The following RPTOR variants were observed in gnomAD, a reference collection of about 807,000 sequenced individuals.
The protein encoded by RPTOR is regulatory-associated protein of mTOR.
Under a neutral mutation model 169.9 loss-of-function variants are expected in RPTOR, and 21 were observed. The ratio of observed to expected loss-of-function variants is 0.12; its 90% confidence interval spans 0.09 to 0.18. The LOEUF (loss-of-function observed/expected upper bound fraction) is 0.18. RPTOR is among the 10% of genes least tolerant of loss of function. RPTOR has a pLI of 1.00. For missense variants in RPTOR, 1,133 were observed against 1,855.9 expected, an observed-to-expected ratio of 0.61 and a Z score of 7.16; for synonymous variants, 732 against 753.2, an observed-to-expected ratio of 0.97 and a Z score of 0.46.
At chr17:80,877,762 G>T (rs554778908) in intron 13 of RPTOR, among the ~76,000 whole-genome samples, 12 of 152,324 alleles carry the variant, frequency 7.9e-5, no homozygotes, top group African/African-American at 2.9e-4. Context: ...AAAGCCAGTT[G>T]TTGCTTGAAA....
At chr17:80,886,366 C>T (rs1451458191) in intron 17 of RPTOR, among the ~76,000 whole-genome samples, 3 of 152,314 alleles carry the variant, frequency 2.0e-5, no homozygotes, top group South Asian at 2.1e-4. Flanking sequence ...AGTGAGGTTC[C>T]GGGCTGCCTT....
At chr17:80,657,151 A>G (rs910698059) in intron 3 of RPTOR, among the ~76,000 whole-genome samples, 5 of 152,292 alleles carry the variant, frequency 3.3e-5, no homozygotes, top group Admixed American at 3.3e-4. Context: ...ACTGAGGGAG[A>G]AAAAAGAACA....
chr17:80,615,814 T>C (rs1196293065), intron 1 of RPTOR, among the ~76,000 whole-genome samples: 2 of 152,188 alleles, frequency 1.3e-5, no homozygotes, highest in Admixed American at 1.3e-4. Flanking sequence ...GACGTCATCT[T>C]CCTGAAAATA....
At chr17:80,742,383 A>G (rs12942358) in intron 5 of RPTOR, among the ~76,000 whole-genome samples, 84,093 of 151,822 alleles carry the variant, frequency 0.55, 23,523 homozygotes, top group African/African-American at 0.59. Flanking sequence ...CAGCACATGC[A>G]TGCAGAGGCC....
Position 80,730,792 on chromosome 17 carries a change from G to A in RPTOR, c.654+86G>A, listed in dbSNP as rs2066385296. On this transcript the variant is annotated intron_variant, in intron 5 of 33. Transcript: ENST00000306801. This position sits in a 1 kb window ranked among gnomAD's most constrained non-coding sequence, Gnocchi z 4.2. The stretch of plus-strand genomic sequence containing the variant: ...GGTTTGGGTGGGGAGGTTGGGAGGT[G>A]TTGGACATCCTCTGAATGGAGCAGG... 8.1e-7 allele frequency: 1 copy of A among 1,237,626 alleles called. No individual in the cohort carries two copies. The allele number at this position is 1,237,626 out of a possible 1,614,324, so 76.7% of individuals were successfully genotyped here. A position where few individuals can be genotyped will look rare whatever the true frequency, so the allele number is the denominator to read the frequency against.
At chr17:80,893,557 C>T (rs1359659373) in intron 19 of RPTOR, 150 bp from the exon 20 acceptor site, 6 of 946,078 alleles carry the variant, frequency 6.3e-6, no homozygotes, top group Non-Finnish European at 9.1e-6. Flanking sequence ...GGTGTGTGCG[C>T]ACCAGGGTGT....
chr17:80,556,058 T>C (rs915439011), intron 1 of RPTOR, among the ~76,000 whole-genome samples: 1 of 151,496 alleles, frequency 6.6e-6, no homozygotes, highest in Non-Finnish European at 1.5e-5. Flanking sequence ...GTAGATACTT[T>C]GTGGTTCCCG....
intron 3 of RPTOR, among the ~76,000 whole-genome samples, chr17:80,667,854 C>G (rs552254970): frequency 2.0e-5 from 3 of 152,282 alleles, no homozygotes; most frequent in Non-Finnish European, 4.4e-5. Flanking sequence ...TTCATTCATT[C>G]GGTTCCCACC....
intron 21 of RPTOR, among the ~76,000 whole-genome samples, chr17:80,919,970 C>G (rs1216175422): frequency 6.6e-6 from 1 of 152,232 alleles, no homozygotes; most frequent in Non-Finnish European, 1.5e-5. Flanking sequence ...AGGCCTGGGC[C>G]CACAGAGGCT....
At position 80,803,617 on chromosome 17, in the gene RPTOR, G is replaced by C; in HGVS notation, c.890+12108G>C. 6.6e-6 allele frequency: 1 copy of C among 152,376 alleles called. No homozygotes were observed. Among genetic ancestry groups the C allele is most frequent in the East Asian group, 1.9e-4 (1 of 5,190 alleles). 9.4% of individuals were successfully genotyped at this position (152,376 alleles called of 1,614,324 possible). A position where few individuals can be genotyped will look rare whatever the true frequency, so the allele number is the denominator to read the frequency against. On this transcript the variant is annotated intron_variant, in intron 7 of 33. Coordinates refer to ENST00000306801, the MANE Select transcript of RPTOR (RefSeq NM_020761.3). This position sits in a 1 kb window ranked among gnomAD's most constrained non-coding sequence, Gnocchi z 6.2. Reference sequence around the variant, plus strand: ...GGCTCGAGCGCACTTTTCAGACCCCGCGTGTGTTTCTCAGCACGTTTGTTC... The same window carrying C: ...GGCTCGAGCGCACTTTTCAGACCCCCCGTGTGTTTCTCAGCACGTTTGTTC...
intron 2 of RPTOR, among the ~76,000 whole-genome samples, chr17:80,642,493 T>TA (rs2065561996): frequency 1.3e-5 from 2 of 152,194 alleles, no homozygotes; most frequent in African/African-American, 2.4e-5. Flanking sequence ...TGTGGATTCT[T>TA]AAAAAAATAT....
chr17:80,747,997 A>G (rs866326873), intron 5 of RPTOR, among the ~76,000 whole-genome samples: 1,482 of 73,960 alleles, frequency 0.02, 3 homozygotes, highest in Middle Eastern at 0.068. Context: ...TGGCGGGAGG[A>G]CCTGTTGGGT....
intron 1 of RPTOR, among the ~76,000 whole-genome samples, chr17:80,579,287 G>A (rs554152720): frequency 2.0e-5 from 3 of 152,198 alleles, no homozygotes; most frequent in Admixed American, 6.5e-5. Context: ...TCCGCCTCCC[G>A]GGTTCAAGCG....
intron 5 of RPTOR, among the ~76,000 whole-genome samples, chr17:80,731,688 AC>A (rs2066394636): frequency 6.6e-6 from 1 of 152,212 alleles, no homozygotes; most frequent in Admixed American, 6.5e-5. Flanking sequence ...CATGAGTTCT[AC>A]TGGTTGCAGT....
chr17:80,762,087 C>T (rs1479078915), intron 6 of RPTOR, among the ~76,000 whole-genome samples: 1 of 152,208 alleles, frequency 6.6e-6, no homozygotes, highest in Non-Finnish European at 1.5e-5. Flanking sequence ...ACAGTGTTCT[C>T]TCACTGTTCC....
At position 80,965,466 on chromosome 17, in the gene RPTOR, G is replaced by A. The variant is rs550380034; in HGVS notation, c.*1136G>A. The A allele has an allele frequency of 2.2e-3, 505 of 233,396 alleles. 5 individuals carry two copies. The highest frequency in any genetic ancestry group is 0.01 in the African/African-American group (470 of 45,488). 14.5% of individuals were successfully genotyped at this position (233,396 alleles called of 1,614,324 possible). A position where few individuals can be genotyped will look rare whatever the true frequency, so the allele number is the denominator to read the frequency against. ...TGTGTGGACAGTCCCGCCCAGGAGG[G>A]GCCGCAGGGCGTGTATGAGCAGTTT... On this transcript the variant is annotated 3_prime_UTR_variant, in exon 34 of 34. Transcript: ENST00000306801.
chr17:80,808,713 T>C (rs2067243512), intron 7 of RPTOR, among the ~76,000 whole-genome samples: 1 of 152,182 alleles, frequency 6.6e-6, no homozygotes, highest in Non-Finnish European at 1.5e-5. Context: ...ACCATTGATC[T>C]GGGTTTTCTC....
chr17:80,631,513 G>C (rs1042686120), intron 2 of RPTOR, among the ~76,000 whole-genome samples: 2 of 152,168 alleles, frequency 1.3e-5, no homozygotes, highest in African/African-American at 4.8e-5. Flanking sequence ...ATGTGCCCGG[G>C]CTTTCTCGGA....
At chr17:80,962,727 C>T in intron 32 of RPTOR, 150 bp downstream of exon 32, 2 of 1,097,110 alleles carry the variant, frequency 1.8e-6, no homozygotes, top group Non-Finnish European at 2.6e-6. Context: ...AAGATGTCTG[C>T]CCACCACATC....
Sources: allele counts gnomAD v4.1 joint callset (sites outside exome capture counted in the v4.1 genomes callset), GRCh38; gene constraint gnomAD v4.1.1; non-coding constraint Gnocchi (gnomAD v3.1); transcripts MANE v1.5; gene names NCBI Gene and HGNC (gene_info 2026-07-23, HGNC 2026-07-21).